The following ANO4 variants were observed in gnomAD, a reference collection of about 807,000 sequenced individuals.
The protein encoded by ANO4 is anoctamin-4.
ANO4 carries 69 observed loss-of-function variants against 141.9 expected under a neutral mutation model. The observed-to-expected ratio is 0.49, with a 90% CI of 0.40 to 0.59. The LOEUF (loss-of-function observed/expected upper bound fraction) is 0.59. Ranked by LOEUF, ANO4 falls within the 20% of genes least tolerant of loss-of-function variation. ANO4 has a pLI of 0.00. For missense variants in ANO4, 894 were observed against 1,162.2 expected (o/e 0.77, Z 3.36); for synonymous variants, 350 against 394.3 (o/e 0.89, Z 1.33).
At chr12:100,950,683 G>A (rs2042936842) in intron 5 of ANO4, among the ~76,000 whole-genome samples, 2 of 152,202 alleles carry the variant, frequency 1.3e-5, no homozygotes, top group East Asian at 1.9e-4. Context: ...ATCAGCAGGT[G>A]CAGCACAGAG....
intron 1 of ANO4, among the ~76,000 whole-genome samples, chr12:100,883,689 T>C (rs2039682277): frequency 6.6e-6 from 1 of 152,226 alleles, no homozygotes; most frequent in Non-Finnish European, 1.5e-5. Context: ...CTTACACTAT[T>C]CACATTACTA....
chr12:101,025,665 C>G lies in ANO4; in HGVS notation c.841+5525C>G, dbSNP rs550434784. Among the ~76,000 whole-genome samples the G allele has an allele frequency of 3.9e-5, 6 of 152,274 alleles. No homozygotes were observed. The East Asian group carries it at 9.6e-4, about 24-fold the overall frequency. ...AGGAGAATACTCAGAAAAGTCTTTC[C>G]TCCTGCAAACATAAAGAAAATTTAG... is the stretch of plus-strand genomic sequence containing the variant. On this transcript the variant is annotated intron_variant, in intron 9 of 27. Coordinates refer to ENST00000392977, the MANE Select transcript of ANO4 (RefSeq NM_001286615.2).
intron 14 of ANO4, among the ~76,000 whole-genome samples, chr12:101,055,771 G>A (rs1050792673): frequency 6.6e-6 from 1 of 151,724 alleles, no homozygotes; most frequent in Non-Finnish European, 1.5e-5. Context: ...CGTCTATATT[G>A]TCTTCTAAAA....
chr12:101,060,290 T>C (rs1247997527), intron 14 of ANO4, among the ~76,000 whole-genome samples: 6 of 152,322 alleles, frequency 3.9e-5, no homozygotes, highest in Non-Finnish European at 7.4e-5. Flanking sequence ...GAGGAGTGTT[T>C]TACTTCCAAT....
At chr12:101,124,455 C>A (rs577144767) in intron 26 of ANO4, among the ~76,000 whole-genome samples, 86 of 152,208 alleles carry the variant, frequency 5.7e-4, no homozygotes, top group African/African-American at 2.0e-3. Flanking sequence ...TTGTGCTGTG[C>A]AGAAGTACTT....
chr12:100,745,381 T>A (rs1185894384), intron 3 of ANO4, among the ~76,000 whole-genome samples: 2 of 152,258 alleles, frequency 1.3e-5, no homozygotes, highest in African/African-American at 4.8e-5. Context: ...ACAGATTTAA[T>A]TTTGCTCTTA....
At chr12:100,938,066 G>A (rs1171807367) in intron 3 of ANO4, among the ~76,000 whole-genome samples, 1 of 152,172 alleles carries the variant, frequency 6.6e-6, no homozygotes, top group Non-Finnish European at 1.5e-5. Flanking sequence ...TCACCCTCTC[G>A]TAGTTAGCAA....
chr12:100,764,719 C>G (rs2033006890), intron 3 of ANO4, among the ~76,000 whole-genome samples: 1 of 152,170 alleles, frequency 6.6e-6, no homozygotes, highest in Admixed American at 6.5e-5. Flanking sequence ...AAAATGGTCA[C>G]CTGGTAATTA....
intron 11 of ANO4, among the ~76,000 whole-genome samples, chr12:101,041,607 G>A (rs1287937167): frequency 6.6e-6 from 1 of 152,164 alleles, no homozygotes; most frequent in Non-Finnish European, 1.5e-5. Flanking sequence ...TATTGGCAAA[G>A]CCAAACAGAC....
At chr12:100,976,732 G>T in intron 7 of ANO4, among the ~76,000 whole-genome samples, 1 of 152,228 alleles carries the variant, frequency 6.6e-6, no homozygotes, top group Non-Finnish European at 1.5e-5. Context: ...ATTAAAATAC[G>T]GATTTGACTG....
Position 101,097,992 on chromosome 12 carries a change from T to G in ANO4, c.2006+47T>G. The G allele has an allele frequency of 1.9e-6, 3 of 1,556,438 alleles. No individual in the cohort carries two copies. In the South Asian group the frequency reaches 3.4e-5, roughly 18 times the overall value. Reference sequence around the variant, plus strand: ...ATTGAGAGGCAGCATTGCTCATTATTGGCTTTTCTAGGTGTGGCAAGTAAG... The same window carrying G: ...ATTGAGAGGCAGCATTGCTCATTATGGGCTTTTCTAGGTGTGGCAAGTAAG... On this transcript the variant is annotated intron_variant, in intron 21 of 27. Transcript: ENST00000392977.
At chr12:100,920,294 C>T (rs1279219781) in intron 2 of ANO4, among the ~76,000 whole-genome samples, 1 of 152,100 alleles carries the variant, frequency 6.6e-6, no homozygotes, top group Non-Finnish European at 1.5e-5. Flanking sequence ...TACATATTTA[C>T]ACCTCAATAG....
At chr12:100,925,198 T>C (rs957147237) in intron 3 of ANO4, among the ~76,000 whole-genome samples, 4 of 152,100 alleles carry the variant, frequency 2.6e-5, no homozygotes, top group Non-Finnish European at 5.9e-5. Context: ...GTTCCAAATA[T>C]GATCGAAATT....
At chr12:100,725,053 G>A (rs1017388328) in intron 1 of ANO4, among the ~76,000 whole-genome samples, 2 of 152,150 alleles carry the variant, frequency 1.3e-5, no homozygotes, top group Non-Finnish European at 2.9e-5. Context: ...TATTTCTAGT[G>A]CGCCAGTGTA....
At chr12:100,796,765 G>GCTTC (rs2034352002) in intron 1 of ANO4, among the ~76,000 whole-genome samples, 1 of 152,144 alleles carries the variant, frequency 6.6e-6, no homozygotes, top group Non-Finnish European at 1.5e-5. Flanking sequence ...AGACTGCTCT[G>GCTTC]CTTCCTCTTT....
chr12:100,854,230 G>T (rs548792700), intron 1 of ANO4, among the ~76,000 whole-genome samples: 1 of 152,004 alleles, frequency 6.6e-6, no homozygotes, highest in Non-Finnish European at 1.5e-5. Flanking sequence ...TTTTTTCATC[G>T]CTTTCTGTCA....
chr12:100,809,106 TATA>T (rs1345972063), intron 1 of ANO4, among the ~76,000 whole-genome samples: 4 of 152,138 alleles, frequency 2.6e-5, no homozygotes, highest in African/African-American at 9.7e-5. Flanking sequence ...AACAAAGAAT[TATA>T]ATAATATAAG....
intron 1 of ANO4, among the ~76,000 whole-genome samples, chr12:100,807,907 A>G (rs894790014): frequency 1.3e-5 from 2 of 152,226 alleles, no homozygotes; most frequent in Non-Finnish European, 2.9e-5. Flanking sequence ...GTTCCTTTTT[A>G]TGGCTGCATA....
chr12:100,909,074 C>A (rs1296669939), intron 2 of ANO4, among the ~76,000 whole-genome samples: 1 of 152,034 alleles, frequency 6.6e-6, no homozygotes, highest in Non-Finnish European at 1.5e-5. Flanking sequence ...ACAAGAGAAA[C>A]TAATCATTTA....
Sources: gnomAD v4.1 joint callset for allele counts (sites outside exome capture counted in the v4.1 genomes callset) on GRCh38, gnomAD v4.1.1 for gene constraint, MANE v1.5 for transcripts, NCBI Gene and HGNC (gene_info 2026-07-23, HGNC 2026-07-21) for gene names.